The following UFD1 variants were observed in gnomAD, a reference collection of about 807,000 sequenced individuals.
UFD1 encodes the protein ubiquitin recognition factor in ER associated degradation 1, also known as ubiquitin recognition factor in ER-associated degradation protein 1.
A neutral mutation model predicts 45.9 loss-of-function variants in UFD1; 13 were observed. The observed-to-expected ratio is 0.28, with a 90% CI of 0.18 to 0.45. The LOEUF is 0.45. UFD1 is among the 20% of genes least tolerant of loss of function. The pLI, the probability that UFD1 is intolerant of heterozygous loss-of-function variation, is 1.00. For missense variants in UFD1, 218 were observed against 389.2 expected (o/e 0.56, Z 3.70); for synonymous variants, 128 against 139.2 (o/e 0.92, Z 0.56).
chr22:19,462,293 C>G (rs113132365), intron 6 of UFD1, among the ~76,000 whole-genome samples: 5,617 of 152,274 alleles, frequency 0.037, 139 homozygotes, highest in African/African-American at 0.064. Flanking sequence ...AGCTACCACA[C>G]CCAGCTTCAG....
intron 3 of UFD1, among the ~76,000 whole-genome samples, chr22:19,472,872 A>G (rs1193270685): frequency 6.6e-6 from 1 of 152,278 alleles, no homozygotes; most frequent in Admixed American, 6.5e-5. Context: ...GGATTCAACC[A>G]TCAAAGCAGA....
At chr22:19,451,051 G>T (rs2089677853) in intron 11 of UFD1, 1 of 1,060,748 alleles carries the variant, frequency 9.4e-7, no homozygotes, top group Non-Finnish European at 1.1e-6. Flanking sequence ...TTGAGCCAGG[G>T]CCATAGTGAG....
At chr22:19,456,955 C>T (rs945106505) in intron 7 of UFD1, 37 bp from the exon 8 acceptor site, 2 of 1,393,198 alleles carry the variant, frequency 1.4e-6, no homozygotes, top group South Asian at 1.2e-5. Flanking sequence ...AATATTGAGA[C>T]ATGACCACCC....
intron 4 of UFD1, 64 bp from the exon 5 acceptor site, chr22:19,468,067 C>T: frequency 1.3e-6 from 2 of 1,592,326 alleles, no homozygotes; most frequent in East Asian, 2.2e-5. Context: ...ACCACTGCTC[C>T]CTATACACTG....
intron 10 of UFD1, among the ~76,000 whole-genome samples, 163 bp from the exon 11 acceptor site, chr22:19,454,993 C>T (rs1004608741): frequency 3.3e-5 from 5 of 152,160 alleles, no homozygotes; most frequent in Non-Finnish European, 4.4e-5. Flanking sequence ...AAGTAACTGA[C>T]TTCTTGGTTT....
chr22:19,451,634 C>G (rs537397045), intron 11 of UFD1: 1 of 985,452 alleles, frequency 1.0e-6, no homozygotes, highest in African/African-American at 1.7e-5. Context: ...CATCCCTGCA[C>G]CTGGCTCCCC....
chr22:19,451,979 A>G, intron 11 of UFD1: 1 of 979,256 alleles, frequency 1.0e-6, no homozygotes. Flanking sequence ...CATTTTAGTG[A>G]GGAACACCTC....
intron 6 of UFD1, among the ~76,000 whole-genome samples, chr22:19,462,020 G>A (rs1470205744): frequency 6.6e-6 from 1 of 151,444 alleles, no homozygotes; most frequent in Non-Finnish European, 1.5e-5. Context: ...TTTTGTTTGA[G>A]GCAAGGTCTT....
At chr22:19,470,190 T>C (rs2089833508) in intron 4 of UFD1, 1 of 431,330 alleles carries the variant, frequency 2.3e-6, no homozygotes, top group South Asian at 1.6e-5. Flanking sequence ...ATCTGGGCTT[T>C]GAGGCATAAA....
intron 3 of UFD1, among the ~76,000 whole-genome samples, chr22:19,474,366 G>A (rs1055269467): frequency 6.6e-6 from 1 of 152,008 alleles, no homozygotes; most frequent in African/African-American, 2.4e-5. Context: ...CCAACATGGC[G>A]GAACCCCATC....
chr22:19,468,326 G>T (rs1320167997), intron 4 of UFD1, among the ~76,000 whole-genome samples: 1 of 152,142 alleles, frequency 6.6e-6, no homozygotes, highest in Non-Finnish European at 1.5e-5. Context: ...GTACTTCCAA[G>T]CTGTCCCACA....
At chr22:19,458,314 C>T (rs1434449203) in intron 6 of UFD1, among the ~76,000 whole-genome samples, 175 bp from the exon 7 acceptor site, 1 of 152,230 alleles carries the variant, frequency 6.6e-6, no homozygotes, top group African/African-American at 2.4e-5. Flanking sequence ...ACAGGCTGCC[C>T]TGTGCCCATC....
At chr22:19,451,620 C>A (rs1221119460) in intron 11 of UFD1, 3 of 985,316 alleles carry the variant, frequency 3.0e-6, no homozygotes, top group African/African-American at 1.7e-5. Flanking sequence ...GAATGTTCAA[C>A]ACACATCCCT....
At chr22:19,478,952 GC>G (rs1176961994) in intron 1 of UFD1, 130 bp downstream of exon 1, 24 of 1,279,684 alleles carry the variant, frequency 1.9e-5, no homozygotes, top group Non-Finnish European at 2.3e-5. Context: ...CGGCCGATGA[GC>G]CTGCAGGCCG....
chr22:19,474,986 G>A, intron 3 of UFD1, 82 bp downstream of exon 3: 16 of 1,350,258 alleles, frequency 1.2e-5, no homozygotes, highest in Non-Finnish European at 1.4e-5. Context: ...ACTGGTGTCT[G>A]GATGTACTGA....
intron 3 of UFD1, among the ~76,000 whole-genome samples, chr22:19,473,278 A>AGGCTCCCAGTGCCCTGG (rs1186665509): frequency 2.0e-5 from 3 of 152,202 alleles, no homozygotes; most frequent in African/African-American, 7.2e-5. Context: ...TGTGACTTAG[A>AGGCTCCCAGTGCCCTGG]GGCTCCCAGT....
intron 5 of UFD1, chr22:19,465,840 TTC>T (rs2089798041): frequency 1.3e-5 from 2 of 152,356 alleles, no homozygotes; most frequent in African/African-American, 4.8e-5. Flanking sequence ...TCATTTATAC[TTC>T]TGTTGTTTCT....
At chr22:19,465,299 A>C (rs376768849) in intron 5 of UFD1, 25 bp from the exon 6 acceptor site, 69 of 1,605,106 alleles carry the variant, frequency 4.3e-5, no homozygotes, top group Non-Finnish European at 5.5e-5. Flanking sequence ...TGTCAAGGCA[A>C]CATGGCAAGA....
At chr22:19,468,348 A>C (rs756657) in intron 4 of UFD1, among the ~76,000 whole-genome samples, 78,978 of 152,006 alleles carry the variant, frequency 0.52, 20,659 homozygotes, top group South Asian at 0.61. Flanking sequence ...GCAAATTATA[A>C]GGCCCTGCGT....
Sources: allele counts gnomAD v4.1 joint callset (sites outside exome capture counted in the v4.1 genomes callset), GRCh38; gene constraint gnomAD v4.1.1; transcripts MANE v1.5; gene names NCBI Gene and HGNC (gene_info 2026-07-23, HGNC 2026-07-21).